Variants in TEX26 observed in about 807,000 individuals in gnomAD.
TEX26 encodes testis expressed 26.
TEX26 carries 34 observed loss-of-function variants against 35.3 expected under a neutral mutation model. That is an observed-to-expected ratio of 0.96 (90% CI 0.73 to 1.28). The LOEUF (loss-of-function observed/expected upper bound fraction) is 1.28. Among genes scored for constraint, TEX26 ranks in the 50% most tolerant of loss-of-function variants. The pLI, the probability that TEX26 is intolerant of heterozygous loss-of-function variation, is 0.00. For synonymous variants in TEX26, 136 were observed against 111.8 expected, an observed-to-expected ratio of 1.22 and a Z score of -1.36; for missense variants, 371 against 330.1, an observed-to-expected ratio of 1.12 and a Z score of -0.96.
intron 1 of TEX26, chr13:30,936,884 T>C: frequency 1.0e-6 from 1 of 985,432 alleles, no homozygotes; most frequent in Non-Finnish European, 1.2e-6. Context: ...CAGAATATTG[T>C]GATTACAGAT....
At chr13:30,941,954 T>C (rs1173020096) in intron 2 of TEX26, among the ~76,000 whole-genome samples, 1 of 152,176 alleles carries the variant, frequency 6.6e-6, no homozygotes, top group Non-Finnish European at 1.5e-5. Flanking sequence ...AAATTGTGAA[T>C]TGTGCTGTGG....
Position 30,974,131 on chromosome 13 carries a change from A to AAAAATATATATAT in TEX26, c.809-714_809-713insAAATATATATATA. ...GTGAGCCTCCATCTAAAAAAAAAAA[A>AAAAATATATATAT]ATATATATATATATATATATATATA... On this transcript the variant is annotated intron_variant, in intron 6 of 6. Coordinates refer to ENST00000380473, the MANE Select transcript of TEX26 (RefSeq NM_152325.3). 5.5e-3 allele frequency among the ~76,000 whole-genome samples: 461 copies of AAAAATATATATAT among 84,326 alleles called. 5 individuals are homozygous for AAAAATATATATAT. The highest frequency in any genetic ancestry group is 8.8e-3 in the Middle Eastern group (1 of 114). 55.3% of individuals were successfully genotyped at this position (84,326 alleles called of 152,430 possible).
At chr13:30,962,033 C>T (rs1414497959) in intron 4 of TEX26, among the ~76,000 whole-genome samples, 1 of 152,128 alleles carries the variant, frequency 6.6e-6, no homozygotes, top group East Asian at 1.9e-4. Flanking sequence ...CATGAGCATT[C>T]CAACTCATCT....
intron 3 of TEX26, among the ~76,000 whole-genome samples, 186 bp downstream of exon 3, chr13:30,953,011 G>A (rs1953988935): frequency 6.6e-6 from 1 of 151,870 alleles, no homozygotes; most frequent in African/African-American, 2.4e-5. Flanking sequence ...TCTATCCCCT[G>A]GAGTTTTTTT....
intron 4 of TEX26, among the ~76,000 whole-genome samples, chr13:30,965,862 A>G (rs1263549839): frequency 6.6e-6 from 1 of 152,276 alleles, no homozygotes; most frequent in East Asian, 1.9e-4. Flanking sequence ...TATTTACACT[A>G]AAAAAGTCAT....
At chr13:30,932,871 G>T in intron 1 of TEX26, 95 bp downstream of exon 1, 13 of 1,381,162 alleles carry the variant, frequency 9.4e-6, no homozygotes, top group Non-Finnish European at 1.3e-5. Context: ...GTATTTAAGG[G>T]TGTGGCATCG....
chr13:30,940,563 G>C (rs1953454504), intron 2 of TEX26, among the ~76,000 whole-genome samples: 1 of 151,832 alleles, frequency 6.6e-6, no homozygotes. Context: ...TTGATCTCCT[G>C]ACCTTGTGAT....
intron 1 of TEX26, among the ~76,000 whole-genome samples, chr13:30,934,003 A>C (rs533260706): frequency 7.2e-5 from 11 of 152,342 alleles, no homozygotes; most frequent in African/African-American, 2.6e-4. Context: ...TCAGACCAGA[A>C]TATCTAACTG....
chr13:30,940,217 C>T (rs1439829080), intron 2 of TEX26, among the ~76,000 whole-genome samples: 1 of 151,620 alleles, frequency 6.6e-6, no homozygotes, highest in Non-Finnish European at 1.5e-5. Flanking sequence ...GGCCACTGTC[C>T]CCCTCTTCTT....
intron 4 of TEX26, 24 bp from the exon 5 acceptor site, chr13:30,966,198 C>G (rs377640903): frequency 6.2e-7 from 1 of 1,613,410 alleles, no homozygotes; most frequent in Admixed American, 1.7e-5. Context: ...GTAAGTATTG[C>G]CTTCCATTTC....
At chr13:30,934,057 C>G (rs1953175345) in intron 1 of TEX26, among the ~76,000 whole-genome samples, 1 of 152,216 alleles carries the variant, frequency 6.6e-6, no homozygotes, top group Non-Finnish European at 1.5e-5. Context: ...GGGCCTCCAA[C>G]TTGACATGTG....
At chr13:30,936,150 AC>A (rs1348285841) in intron 1 of TEX26, among the ~76,000 whole-genome samples, 1 of 152,232 alleles carries the variant, frequency 6.6e-6, no homozygotes, top group African/African-American at 2.4e-5. Flanking sequence ...ATATATCAAT[AC>A]CTTGAATCCT....
chr13:30,947,969 C>A (rs1359995356), intron 2 of TEX26, among the ~76,000 whole-genome samples: 1 of 151,868 alleles, frequency 6.6e-6, no homozygotes, highest in African/African-American at 2.4e-5. Context: ...AATTCACACC[C>A]ATGAGTGAGA....
intron 3 of TEX26, among the ~76,000 whole-genome samples, chr13:30,956,009 C>CT (rs1202996998): frequency 6.6e-6 from 1 of 152,098 alleles, no homozygotes; most frequent in Non-Finnish European, 1.5e-5. Flanking sequence ...TAAAATCTCT[C>CT]TTTTTTAATT....
At chr13:30,953,728 C>A (rs538388495) in intron 3 of TEX26, among the ~76,000 whole-genome samples, 3 of 152,176 alleles carry the variant, frequency 2.0e-5, no homozygotes. Flanking sequence ...TTCCTTCTCC[C>A]CTGGGTGGAA....
chr13:30,963,862 T>C (rs1184632356), intron 4 of TEX26, among the ~76,000 whole-genome samples: 2 of 152,174 alleles, frequency 1.3e-5, no homozygotes, highest in East Asian at 3.9e-4. Context: ...GGCTTTTGCC[T>C]TTTCTGGGTC....
In TEX26 at chr13:30,939,698, T is replaced by C; in HGVS notation, c.66T>C (p.Asp22=). Residue 22 remains aspartate, a synonymous_variant, in exon 2 of 7, where the codon GAT becomes GAC. Transcript: ENST00000380473. The part of the protein sequence containing the change: ...SLCHHNLQPT[D]DPNWDSYATT... ...ACTGCTTTATTGTACTTTTAGCAGA[T>C]GACCCCAACTGGGATTCCTATGCTA... 1 of 1,613,834 alleles carries C rather than the reference T, an allele frequency of 6.2e-7. No homozygotes were observed.
rs576641717 is a variant in TEX26 at position 30,933,024 on chromosome 13, G to T, written c.61+248G>T. ...AAACGCGCAGGGTTTTTAAACACTC[G>T]AGGAAGTGCCTGGCTAAGAGGGGAC... On this transcript the variant is annotated intron_variant, in intron 1 of 6. Coordinates refer to ENST00000380473, the MANE Select transcript of TEX26 (RefSeq NM_152325.3). 3.0e-5 allele frequency: 13 copies of T among 426,556 alleles called. No homozygotes were observed. The Admixed American group carries it at 4.3e-4, about 14-fold the overall frequency. The allele number at this position is 426,556 out of a possible 1,614,324, so 26.4% of individuals were successfully genotyped here.
At chr13:30,962,485 G>T (rs925425526) in intron 4 of TEX26, among the ~76,000 whole-genome samples, 3 of 152,160 alleles carry the variant, frequency 2.0e-5, no homozygotes, top group African/African-American at 7.2e-5. Flanking sequence ...AAGTCTGGTT[G>T]TACGCCTCGC....
Sources: allele counts gnomAD v4.1 joint callset (sites outside exome capture counted in the v4.1 genomes callset), GRCh38; gene constraint gnomAD v4.1.1; transcripts MANE v1.5; gene names NCBI Gene and HGNC (gene_info 2026-07-23, HGNC 2026-07-21).